The following TYK2 variants were observed in gnomAD, a reference collection of about 807,000 sequenced individuals.
TYK2 encodes the protein tyrosine kinase 2.
Under a neutral mutation model 130.9 loss-of-function variants are expected in TYK2, and 65 were observed. The observed-to-expected ratio is 0.50, with a 90% CI of 0.41 to 0.61. TYK2 has a LOEUF of 0.61. TYK2 is among the 20% of genes least tolerant of loss of function. The pLI is 0.00. For synonymous variants in TYK2, 647 were observed against 658.9 expected, an observed-to-expected ratio of 0.98 and a Z score of 0.28; for missense variants, 1,378 against 1,610.7, an observed-to-expected ratio of 0.86 and a Z score of 2.47.
intron 5 of TYK2, 108 bp downstream of exon 5, chr19:10,367,947 C>G: frequency 7.8e-7 from 1 of 1,275,220 alleles, no homozygotes. Flanking sequence ...CCCCAGATAG[C>G]ATGAGTTGAA....
chr19:10,365,946 C>A, intron 6 of TYK2, 48 bp from the exon 7 acceptor site: 1 of 1,544,792 alleles, frequency 6.5e-7, no homozygotes, highest in Non-Finnish European at 8.7e-7. Flanking sequence ...GGGTTGCAGG[C>A]CCAGCTGGGT....
intron 14 of TYK2, among the ~76,000 whole-genome samples, chr19:10,359,990 G>T (rs1047651348): frequency 6.7e-6 from 1 of 150,184 alleles, no homozygotes. Context: ...CAGCCTGGGC[G>T]ATAGAGCAAG....
At chr19:10,368,232 T>C (rs370963720) in intron 4 of TYK2, 30 bp from the exon 5 acceptor site, 2 of 1,614,108 alleles carry the variant, frequency 1.2e-6, no homozygotes, top group Non-Finnish European at 1.7e-6. Context: ...AGCTGGGGCT[T>C]AGCACAGAGT....
chr19:10,358,860 C>T lies in TYK2; in HGVS notation c.2175+315G>A, dbSNP rs865897273. On this transcript the variant is annotated intron_variant, in intron 15 of 24. Coordinates refer to ENST00000525621, the MANE Select transcript of TYK2 (RefSeq NM_003331.5). ...CGGATGGATCACGAGGTCAGAAGTT[C>T]GAGACCAGCCTGACCAACATGGTGA... Among the ~76,000 whole-genome samples the T allele has an allele frequency of 4.6e-5, 7 of 151,712 alleles. No homozygotes were observed. The South Asian group carries it at 8.4e-4, about 18-fold the overall frequency.
Position 10,361,206 on chromosome 19 carries a change from G to A in TYK2, c.2047+305C>T. 1 of 567,062 alleles carries A rather than the reference G, an allele frequency of 1.8e-6. No homozygotes were observed. The highest frequency in any genetic ancestry group is 1.9e-5 in the South Asian group (1 of 53,506). 35.1% of individuals were successfully genotyped at this position (567,062 alleles called of 1,614,324 possible). A position where few individuals can be genotyped will look rare whatever the true frequency, so the allele number is the denominator to read the frequency against. On this transcript the variant is annotated intron_variant, in intron 14 of 24. Transcript: ENST00000525621. The surrounding 1 kb of genome is among the most constrained non-coding windows in gnomAD (Gnocchi z 4.0). ...CTGATGGGGCCAGGAGCAGATGGGG[G>A]CTGGACTGTAGAGGTTGTTTGGGAG...
At chr19:10,366,031 G>A in intron 6 of TYK2, 133 bp from the exon 7 acceptor site, 1 of 1,022,994 alleles carries the variant, frequency 9.8e-7, no homozygotes, top group Non-Finnish European at 1.4e-6. Flanking sequence ...AGCCAGGTGT[G>A]GTGACTTGAG....
intron 18 of TYK2, 104 bp from the exon 19 acceptor site, chr19:10,354,713 T>C (rs2040999161): frequency 2.1e-6 from 2 of 946,386 alleles, no homozygotes; most frequent in South Asian, 1.3e-5. Flanking sequence ...GATCCGATTC[T>C]AGAGGTAAGA....
chr19:10,372,457 G>GCT (rs1568343115), intron 3 of TYK2, among the ~76,000 whole-genome samples: 1 of 70,296 alleles, frequency 1.4e-5, no homozygotes, highest in Non-Finnish European at 2.5e-5. Context: ...ACCACACACA[G>GCT]CTATATATAT....
intron 5 of TYK2, among the ~76,000 whole-genome samples, chr19:10,366,850 G>C (rs2041688489): frequency 6.6e-6 from 1 of 151,850 alleles, no homozygotes; most frequent in African/African-American, 2.4e-5. Context: ...TTTGAGACCA[G>C]CCTGACCAAC....
Sources: gnomAD v4.1 joint callset for allele counts (sites outside exome capture counted in the v4.1 genomes callset) on GRCh38, gnomAD v4.1.1 for gene constraint, Gnocchi (gnomAD v3.1) non-coding constraint, MANE v1.5 for transcripts, NCBI Gene and HGNC (gene_info 2026-07-23, HGNC 2026-07-21) for gene names.